The following ZNF248 variants were observed in gnomAD, a reference collection of about 807,000 sequenced individuals.
ZNF248 encodes the protein zinc finger protein 248, also known as KRAB protein domain.
Under a neutral mutation model 44.3 loss-of-function variants are expected in ZNF248, and 20 were observed. The ratio of observed to expected loss-of-function variants is 0.45; its 90% CI spans 0.32 to 0.66. The LOEUF (loss-of-function observed/expected upper bound fraction) is 0.66. Ranked by LOEUF, ZNF248 falls within the 30% of genes least tolerant of loss-of-function variation. The probability of loss-of-function intolerance (pLI) is 0.04; values close to 1 mark genes in which losing one functional copy is unlikely to be tolerated. For missense variants in ZNF248, 654 were observed against 677.0 expected, an observed-to-expected ratio of 0.97 and a Z score of 0.38; for synonymous variants, 224 against 229.0, an observed-to-expected ratio of 0.98 and a Z score of 0.20.
intron 3 of ZNF248, among the ~76,000 whole-genome samples, chr10:37,840,282 T>C (rs969220874): frequency 2.2e-4 from 33 of 152,032 alleles, no homozygotes; most frequent in Admixed American, 1.8e-3. Context: ...AACACTTACC[T>C]AAAAAGGTGT....
At chr10:37,846,069 C>T (rs909649043) in intron 3 of ZNF248, among the ~76,000 whole-genome samples, 2 of 152,128 alleles carry the variant, frequency 1.3e-5, no homozygotes, top group African/African-American at 4.8e-5. Context: ...GTACCATCAC[C>T]TTTAAAAACC....
At chr10:37,827,307 T>G (rs754587283), downstream of ZNF248, among the ~76,000 whole-genome samples, 19 of 152,190 alleles carry the variant, frequency 1.2e-4, no homozygotes, top group Admixed American at 9.8e-4. Flanking sequence ...TGGCTGTTAC[T>G]GAAAGCAGGC....
chr10:37,809,948 C>G (rs1018039692), intron 6 of ZNF248, among the ~76,000 whole-genome samples: 1 of 151,974 alleles, frequency 6.6e-6, no homozygotes, highest in Admixed American at 6.6e-5. Flanking sequence ...AATTTGTGAC[C>G]TAACATATGG....
At chr10:37,843,391 C>A (rs1453716078) in intron 3 of ZNF248, among the ~76,000 whole-genome samples, 1 of 149,848 alleles carries the variant, frequency 6.7e-6, no homozygotes, top group Non-Finnish European at 1.5e-5. Context: ...CACCGCTGCA[C>A]TCCAGCCTGG....
Position 37,849,945 on chromosome 10 carries a change from C to T in ZNF248, c.15+6351G>A, listed in dbSNP as rs557297538. Among the ~76,000 whole-genome samples, 9 of 152,072 alleles carry T rather than the reference C, an allele frequency of 5.9e-5. 1 individual carries two copies. In the Middle Eastern group the frequency reaches 0.01, roughly 172 times the overall value. The stretch of plus-strand genomic sequence containing the variant: ...ACTTAGTCAGGCACGGTGGCAGGTG[C>T]CTGTAATCCCAGCTACTCTGGAGGC... On this transcript the variant is annotated intron_variant, in intron 3 of 5. Transcript: ENST00000395867.
downstream of ZNF248, among the ~76,000 whole-genome samples, chr10:37,828,194 T>TA (rs1409208775): frequency 6.6e-6 from 1 of 152,218 alleles, no homozygotes; most frequent in Non-Finnish European, 1.5e-5. Flanking sequence ...ATGCATGTGT[T>TA]AGATACACAC....
the ZNF248 span, among the ~76,000 whole-genome samples, chr10:37,766,223 A>C: frequency 6.6e-6 from 1 of 152,228 alleles, no homozygotes; most frequent in Non-Finnish European, 1.5e-5. Context: ...ACCTCTGCAG[A>C]CTTAAATGTC....
At chr10:37,826,653 C>T (rs748117262), downstream of ZNF248, among the ~76,000 whole-genome samples, 3 of 152,154 alleles carry the variant, frequency 2.0e-5, no homozygotes, top group African/African-American at 4.8e-5. Context: ...AAAAACCATA[C>T]GTAATAGTAG....
At chr10:37,771,574 T>C (rs78120648), downstream of ZNF248, among the ~76,000 whole-genome samples, 37,064 of 140,052 alleles carry the variant, frequency 0.26, 4,804 homozygotes, top group East Asian at 0.41. Context: ...AGTTGAACAA[T>C]GAGAACACAT....
chr10:37,832,682 C>T lies in ZNF248; in HGVS notation c.673G>A (p.Asp225Asn), dbSNP rs373486234. 6.2e-7 allele frequency: 1 copy of T among 1,613,480 alleles called. No homozygotes were observed. The highest frequency in any genetic ancestry group is 2.2e-5 in the East Asian group (1 of 44,860). The change falls in exon 6 of 6, where the codon GAT becomes AAT. Residue 225 changes from aspartate (D) to asparagine (N), a missense_variant. Physicochemically the swap from Asp to Asn is conservative, Grantham distance 23. Transcript: ENST00000395867. ...TTATTTGTAAAAAATGCTGCCTCAT[C>T]ATGGAAGCCTTGTCCATTTTTACTA... ...EYSKNGQGFH[D>N]EAAFFTNKRS...
At chr10:37,765,011 A>G in the ZNF248 span, among the ~76,000 whole-genome samples, 1 of 151,846 alleles carries the variant, frequency 6.6e-6, no homozygotes, top group Non-Finnish European at 1.5e-5. Context: ...CCCAGGCTGG[A>G]ATGCAGTGAT....
At chr10:37,850,877 T>A (rs1048726633) in intron 3 of ZNF248, among the ~76,000 whole-genome samples, 20 of 151,200 alleles carry the variant, frequency 1.3e-4, no homozygotes, top group South Asian at 4.2e-4. Context: ...AAAGAGAAAA[T>A]CTTTGCCTAG....
chr10:37,795,528 A>C (rs1400846534), intron 6 of ZNF248: 1 of 152,072 alleles, frequency 6.6e-6, no homozygotes, highest in Non-Finnish European at 1.5e-5. Context: ...TGGCTGCCAG[A>C]GTCTGCCTTA....
chr10:37,822,676 C>T (rs2053668853), intron 6 of ZNF248, among the ~76,000 whole-genome samples: 2 of 151,916 alleles, frequency 1.3e-5, no homozygotes, highest in African/African-American at 2.4e-5. Context: ...TTTTGTCTTC[C>T]GTGGGCCACA....
At chr10:37,852,195 C>T (rs538518065) in intron 3 of ZNF248, among the ~76,000 whole-genome samples, 29 of 151,564 alleles carry the variant, frequency 1.9e-4, no homozygotes, top group African/African-American at 6.5e-4. Flanking sequence ...TGCAGTGAGC[C>T]GAGATCTTGC....
chr10:37,818,192 A>G (rs898449141), intron 6 of ZNF248, among the ~76,000 whole-genome samples: 3 of 152,204 alleles, frequency 2.0e-5, no homozygotes, highest in Admixed American at 1.3e-4. Flanking sequence ...CTGAGATTAC[A>G]GGCATGAGCC....
intron 6 of ZNF248, among the ~76,000 whole-genome samples, chr10:37,785,858 T>C (rs2047823145): frequency 6.6e-6 from 1 of 152,186 alleles, no homozygotes; most frequent in Non-Finnish European, 1.5e-5. Flanking sequence ...TGGAACAGGA[T>C]TGGAAGACTG....
At chr10:37,763,164 G>A in the ZNF248 span, among the ~76,000 whole-genome samples, 1 of 152,136 alleles carries the variant, frequency 6.6e-6, no homozygotes, top group African/African-American at 2.4e-5. Flanking sequence ...AGAAGGGGTC[G>A]GGGGCACCAT....
chr10:37,851,449 G>A (rs1442180471), intron 3 of ZNF248, among the ~76,000 whole-genome samples: 1 of 151,976 alleles, frequency 6.6e-6, no homozygotes, highest in Non-Finnish European at 1.5e-5. Flanking sequence ...TTGTCTTAAC[G>A]TTTCTCTAAA....
Sources: gnomAD v4.1 joint callset for allele counts (sites outside exome capture counted in the v4.1 genomes callset) on GRCh38, gnomAD v4.1.1 for gene constraint, MANE v1.5 for transcripts, NCBI Gene and HGNC (gene_info 2026-07-23, HGNC 2026-07-21) for gene names.